SNX25: variants seen among roughly 807,000 people sequenced by gnomAD.
SNX25 encodes sorting nexin-25.
In SNX25, 62 loss-of-function variants were observed where a neutral mutation model predicts 113.7. The ratio of observed to expected loss-of-function variants is 0.55; its 90% CI spans 0.44 to 0.67. The LOEUF (loss-of-function observed/expected upper bound fraction) is 0.67. Ranked by LOEUF, SNX25 falls within the 30% of genes least tolerant of loss-of-function variation. SNX25 has a pLI of 0.00. For synonymous variants in SNX25, 421 were observed against 436.2 expected, an observed-to-expected ratio of 0.97 and a Z score of 0.43; for missense variants, 1,014 against 1,161.0, an observed-to-expected ratio of 0.87 and a Z score of 1.84.
chr4:185,218,727 C>T (rs908707035), intron 1 of SNX25, among the ~76,000 whole-genome samples: 9 of 152,200 alleles, frequency 5.9e-5, no homozygotes, highest in African/African-American at 2.2e-4. Flanking sequence ...GTTTATTAGG[C>T]TACTAGGATC....
downstream of SNX25, among the ~76,000 whole-genome samples, chr4:185,368,760 G>A (rs1053812848): frequency 6.6e-6 from 1 of 151,176 alleles, no homozygotes; most frequent in South Asian, 2.1e-4. Flanking sequence ...TTCTCCCATC[G>A]TATGGAAAAT....
chr4:185,240,859 A>G (rs1281170026), intron 1 of SNX25, among the ~76,000 whole-genome samples: 4 of 140,426 alleles, frequency 2.8e-5, no homozygotes, highest in Admixed American at 7.0e-5. Context: ...CCGGGCAGAG[A>G]CGCTCCTCAC....
chr4:185,351,740 G>A (rs188928037), intron 14 of SNX25, 131 bp downstream of exon 14: 6 of 919,944 alleles, frequency 6.5e-6, no homozygotes, highest in Middle Eastern at 3.0e-4. Context: ...GCACCTGCTT[G>A]TATTTCTGTA....
intron 6 of SNX25, among the ~76,000 whole-genome samples, chr4:185,292,680 G>A (rs932633947): frequency 2.6e-5 from 4 of 152,186 alleles, no homozygotes; most frequent in African/African-American, 9.7e-5. Context: ...TGGGATTACA[G>A]GCATGAGCCA....
At chr4:185,288,160 CT>C in intron 6 of SNX25, 78 bp downstream of exon 6, 1 of 1,135,630 alleles carries the variant, frequency 8.8e-7, no homozygotes, top group South Asian at 1.4e-5. Context: ...CCTGTCAGAT[CT>C]TTGGCAAATA....
intron 5 of SNX25, among the ~76,000 whole-genome samples, chr4:185,272,576 G>C (rs1325211587): frequency 6.6e-6 from 1 of 152,168 alleles, no homozygotes; most frequent in African/African-American, 2.4e-5. Flanking sequence ...AATTGGTCTG[G>C]AGGGGAATCC....
At chr4:185,357,627 G>A (rs574653895) in intron 15 of SNX25, 44 bp from the exon 16 acceptor site, 1 of 1,472,500 alleles carries the variant, frequency 6.8e-7, no homozygotes, top group Non-Finnish European at 9.5e-7. Flanking sequence ...GTCCCAAATT[G>A]TGATGCCCTG....
intron 9 of SNX25, among the ~76,000 whole-genome samples, chr4:185,325,074 G>T (rs1330089933): frequency 6.6e-6 from 1 of 152,156 alleles, no homozygotes; most frequent in Non-Finnish European, 1.5e-5. Context: ...AATCTGTTTG[G>T]TTATTTTGGT....
intron 6 of SNX25, among the ~76,000 whole-genome samples, chr4:185,292,076 T>C (rs772016529): frequency 8.5e-5 from 13 of 152,198 alleles, no homozygotes; most frequent in Non-Finnish European, 1.3e-4. Context: ...TATCACTATT[T>C]AGCTTTTTCT....
At chr4:185,284,675 G>A (rs1363326572) in intron 5 of SNX25, among the ~76,000 whole-genome samples, 1 of 152,172 alleles carries the variant, frequency 6.6e-6, no homozygotes, top group Non-Finnish European at 1.5e-5. Flanking sequence ...GGGAGGTGCA[G>A]GAGGTAAACA....
intron 1 of SNX25, among the ~76,000 whole-genome samples, chr4:185,222,686 G>A (rs1302798219): frequency 6.6e-6 from 1 of 152,174 alleles, no homozygotes; most frequent in East Asian, 1.9e-4. Context: ...ACTTCCCTCT[G>A]TGTCTTTAAG....
chr4:185,206,032 A>C (rs75690083), upstream of SNX25, among the ~76,000 whole-genome samples: 19,418 of 152,210 alleles, frequency 0.13, 1,309 homozygotes, highest in African/African-American at 0.15. Flanking sequence ...AAGAATGTGG[A>C]AAGATCGAAA....
chr4:185,303,658 C>CAAAAAAAAAAAAAAAAAAAAAAAAAAA, intron 6 of SNX25, among the ~76,000 whole-genome samples: 1 of 50,880 alleles, frequency 2.0e-5, no homozygotes, highest in Non-Finnish European at 4.2e-5. Context: ...GACTCTGTCT[C>CAAAAAAAAAAAAAAAAAAAAAAAAAAA]AAAAAAAAAA....
downstream of SNX25, chr4:185,373,130 T>C (rs3797027): frequency 0.049 from 73,015 of 1,483,010 alleles, 2,085 homozygotes; most frequent in South Asian, 0.088. Flanking sequence ...TAGATGAAAT[T>C]ATAAGGGAAT....
rs1737676879 is a variant in SNX25, at chr4:185,210,894, T to C, written c.429+639T>C. ...CCATCCTCAGCGCGCTGTGGGACAC[T>C]AGGGCGGGGGTTAGGGAATGTAGGA... On this transcript the variant is annotated intron_variant, in intron 1 of 18. Transcript: ENST00000652585. The surrounding 1 kb of genome is among the most constrained non-coding windows in gnomAD (Gnocchi z 4.4). Among the ~76,000 whole-genome samples the C allele has an allele frequency of 6.6e-6, 1 of 152,070 alleles. No individual in the cohort carries two copies. Among genetic ancestry groups the C allele is most frequent in the Non-Finnish European group, 1.5e-5 (1 of 68,022 alleles).
chr4:185,338,198 G>A (rs1365807408), intron 10 of SNX25, among the ~76,000 whole-genome samples: 1 of 151,034 alleles, frequency 6.6e-6, no homozygotes, highest in Non-Finnish European at 1.5e-5. Context: ...TTCTTCTTTT[G>A]TTGCCTGTGC....
intron 13 of SNX25, among the ~76,000 whole-genome samples, chr4:185,348,942 G>GT (rs141189984): frequency 0.19 from 28,458 of 151,966 alleles, 3,443 homozygotes; most frequent in African/African-American, 0.35. Context: ...ATACAGATGA[G>GT]TGGGATCATG....
At chr4:185,238,918 G>A (rs1303983221) in intron 1 of SNX25, among the ~76,000 whole-genome samples, 3 of 152,172 alleles carry the variant, frequency 2.0e-5, no homozygotes, top group Non-Finnish European at 2.9e-5. Flanking sequence ...CTTAAAAACA[G>A]TGGACAATGA....
At chr4:185,333,579 A>C (rs1407563759) in intron 10 of SNX25, among the ~76,000 whole-genome samples, 1 of 152,194 alleles carries the variant, frequency 6.6e-6, no homozygotes, top group African/African-American at 2.4e-5. Flanking sequence ...TACAATTAAA[A>C]TATCTATTCA....
Sources: gnomAD v4.1 joint callset for allele counts (sites outside exome capture counted in the v4.1 genomes callset) on GRCh38, gnomAD v4.1.1 for gene constraint, Gnocchi (gnomAD v3.1) non-coding constraint, MANE v1.5 for transcripts, NCBI Gene and HGNC (gene_info 2026-07-23, HGNC 2026-07-21) for gene names.